GTPBP1: variants seen among roughly 807,000 people sequenced by gnomAD.
The protein encoded by GTPBP1 is GTP binding protein 1, also known as GTP-binding protein 1.
GTPBP1 carries 23 observed loss-of-function variants against 62.0 expected under a neutral mutation model. The observed-to-expected ratio is 0.37, with a 90% confidence interval of 0.27 to 0.53. The LOEUF is 0.53. Ranked by LOEUF, GTPBP1 falls within the 20% of genes least tolerant of loss-of-function variation. GTPBP1 has a pLI of 0.89. For synonymous variants in GTPBP1, 344 were observed against 364.4 expected (o/e 0.94, Z 0.64); for missense variants, 640 against 917.3 (o/e 0.70, Z 3.90).
downstream of GTPBP1, among the ~76,000 whole-genome samples, chr22:38,733,820 G>T (rs931231827): frequency 6.6e-6 from 1 of 152,220 alleles, no homozygotes; most frequent in African/African-American, 2.4e-5. Flanking sequence ...GCAGTGTGAG[G>T]GCTGTGCTGT....
chr22:38,739,568 G>A, downstream of GTPBP1: 2 of 1,294,262 alleles, frequency 1.5e-6, no homozygotes, highest in Non-Finnish European at 2.2e-6. The surrounding 1 kb of genome is among the most constrained non-coding windows in gnomAD (Gnocchi z 6.7). Context: ...TGGGCACACT[G>A]CCACCCACCC....
intron 2 of GTPBP1, 25 bp downstream of exon 2, chr22:38,708,981 T>G (rs1317571642): frequency 1.4e-6 from 2 of 1,403,208 alleles, no homozygotes; most frequent in East Asian, 4.6e-5. Context: ...CCTTTCACTT[T>G]ATTTTTAAAA....
At chr22:38,741,384 C>T (rs2092856381), downstream of GTPBP1, 1 of 1,143,442 alleles carries the variant, frequency 8.7e-7, no homozygotes, top group Admixed American at 1.8e-5. Context: ...CACTCCCCTC[C>T]CCATGCAACA....
downstream of GTPBP1, chr22:38,738,687 G>A (rs2145936727): frequency 6.2e-7 from 1 of 1,613,834 alleles, no homozygotes; most frequent in Non-Finnish European, 8.5e-7. This position sits in a 1 kb window ranked among gnomAD's most constrained non-coding sequence, Gnocchi z 6.6. Flanking sequence ...GATGCGGGCA[G>A]AGAGGCGGAC....
chr22:38,733,216 G>C lies in GTPBP1; in HGVS notation c.*2512G>C, dbSNP rs573834411. The C allele has an allele frequency of 6.6e-6, 1 of 152,410 alleles. No homozygotes were observed. The highest frequency in any genetic ancestry group is 2.4e-5 in the African/African-American group (1 of 41,586). 9.4% of individuals were successfully genotyped at this position (152,410 alleles called of 1,614,324 possible). A position where few individuals can be genotyped will look rare whatever the true frequency, so the allele number is the denominator to read the frequency against. On this transcript the variant is annotated 3_prime_UTR_variant, in exon 12 of 12. Coordinates refer to ENST00000216044, the MANE Select transcript of GTPBP1 (RefSeq NM_004286.5). Reference sequence around the variant, plus strand: ...ACCTGCTGGTGCCTCCATAACAAGCGTCTGGCGTTGAGACCCCTGGCATGG... The same window carrying C: ...ACCTGCTGGTGCCTCCATAACAAGCCTCTGGCGTTGAGACCCCTGGCATGG...
At chr22:38,720,968 C>CGA (rs1270213249) in intron 4 of GTPBP1, among the ~76,000 whole-genome samples, 2 of 152,176 alleles carry the variant, frequency 1.3e-5, no homozygotes, top group Non-Finnish European at 2.9e-5. Context: ...TGCAGTAGCT[C>CGA]GATCATGGCT....
At chr22:38,735,815 AG>A (rs2092800027), downstream of GTPBP1, 1 of 163,550 alleles carries the variant, frequency 6.1e-6, no homozygotes. Context: ...CCTGCTCTGG[AG>A]CTAAGCACCC....
downstream of GTPBP1, chr22:38,740,918 C>T: frequency 2.2e-6 from 3 of 1,378,460 alleles, no homozygotes; most frequent in Non-Finnish European, 3.0e-6. The surrounding 1 kb of genome is among the most constrained non-coding windows in gnomAD (Gnocchi z 4.8). Flanking sequence ...TCAGAACTCT[C>T]TGCTCTGCGG....
intron 2 of GTPBP1, among the ~76,000 whole-genome samples, chr22:38,709,569 C>T (rs2092626450): frequency 6.6e-6 from 1 of 152,170 alleles, no homozygotes; most frequent in African/African-American, 2.4e-5. Context: ...ATAGGGCAAG[C>T]CATAGTTAGG....
downstream of GTPBP1, chr22:38,738,928 CT>C: frequency 6.2e-7 from 1 of 1,613,360 alleles, no homozygotes; most frequent in Non-Finnish European, 8.5e-7. This position sits in a 1 kb window ranked among gnomAD's most constrained non-coding sequence, Gnocchi z 6.6. Context: ...GCCGAAGAGG[CT>C]GAGGAGGGCC....
At chr22:38,707,188 T>G (rs536716735) in intron 1 of GTPBP1, among the ~76,000 whole-genome samples, 262 of 152,404 alleles carry the variant, frequency 1.7e-3, no homozygotes, top group Middle Eastern at 6.8e-3. Context: ...AGATAGTTCC[T>G]AATTTCCTGT....
intron 2 of GTPBP1, among the ~76,000 whole-genome samples, chr22:38,711,941 T>A (rs1000349822): frequency 2.0e-5 from 3 of 151,918 alleles, no homozygotes; most frequent in Non-Finnish European, 4.4e-5. Flanking sequence ...AGTGCAGTGG[T>A]ATGATCTCGG....
At chr22:38,710,908 G>A (rs972099541) in intron 2 of GTPBP1, among the ~76,000 whole-genome samples, 4 of 151,834 alleles carry the variant, frequency 2.6e-5, no homozygotes, top group Non-Finnish European at 5.9e-5. Context: ...ACCCACCCAT[G>A]GCAAACCCAC....
At chr22:38,739,796 T>A (rs760487559), downstream of GTPBP1, 4 of 1,613,652 alleles carry the variant, frequency 2.5e-6, no homozygotes, top group Non-Finnish European at 3.4e-6. This position sits in a 1 kb window ranked among gnomAD's most constrained non-coding sequence, Gnocchi z 6.7. Flanking sequence ...CTGGCCGACT[T>A]GCCCTGCATC....
intron 5 of GTPBP1, chr22:38,723,377 ATGTT>A (rs1257654062): frequency 1.2e-6 from 1 of 861,590 alleles, no homozygotes; most frequent in African/African-American, 1.7e-5. Flanking sequence ...AGACCATAAT[ATGTT>A]TGTCAAGCTC....
downstream of GTPBP1, among the ~76,000 whole-genome samples, chr22:38,737,308 C>A (rs2092814202): frequency 6.6e-6 from 1 of 152,038 alleles, no homozygotes; most frequent in Non-Finnish European, 1.5e-5. This position sits in a 1 kb window ranked among gnomAD's most constrained non-coding sequence, Gnocchi z 4.1. Flanking sequence ...CACATCAGCC[C>A]CCATCGCAGT....
rs2092755461 is a variant in GTPBP1, at chr22:38,730,968, T to G, written c.*264T>G. ...ACACATTTTTTGTACATCTGGGCCC[T>G]TAGTTTTTATTCTGTTTATTATATG... On this transcript the variant is annotated 3_prime_UTR_variant, in exon 12 of 12. Coordinates refer to ENST00000216044, the MANE Select transcript of GTPBP1 (RefSeq NM_004286.5). This position sits in a 1 kb window ranked among gnomAD's most constrained non-coding sequence, Gnocchi z 5.6. 25 of 471,310 alleles carry G rather than the reference T, an allele frequency of 5.3e-5. No homozygotes were observed. The highest frequency in any genetic ancestry group is 3.3e-4 in the East Asian group (8 of 24,326). The allele number at this position is 471,310 out of a possible 1,614,324, so 29.2% of individuals were successfully genotyped here. A position where few individuals can be genotyped will look rare whatever the true frequency, so the allele number is the denominator to read the frequency against.
downstream of GTPBP1, among the ~76,000 whole-genome samples, chr22:38,737,094 G>A (rs778300451): frequency 5.3e-5 from 8 of 152,152 alleles, no homozygotes; most frequent in East Asian, 7.7e-4. This position sits in a 1 kb window ranked among gnomAD's most constrained non-coding sequence, Gnocchi z 4.1. Flanking sequence ...CAATCCCCTC[G>A]CCTTGGCCTT....
At position 38,705,964 on chromosome 22, in the gene GTPBP1, G is replaced by T; in HGVS notation, c.9G>T (p.Thr3=). 1 of 1,442,964 alleles carries T rather than the reference G, an allele frequency of 6.9e-7. No homozygotes were observed. The highest frequency in any genetic ancestry group is 9.1e-7 in the Non-Finnish European group (1 of 1,094,652). 89.4% of individuals were successfully genotyped at this position (1,442,964 alleles called of 1,614,324 possible). The change falls in exon 1 of 12, where the codon ACG becomes ACT. Residue 3 remains threonine, a synonymous_variant. Transcript: ENST00000216044. Reference sequence around the variant, plus strand: ...AGCCTAAGTTATTAAAGATGGCGACGGAGCGCAGTCGCTCCGCGATGGACT... The same window carrying T: ...AGCCTAAGTTATTAAAGATGGCGACTGAGCGCAGTCGCTCCGCGATGGACT... MA[T]ERSRSAMDSP...
Sources: allele counts gnomAD v4.1 joint callset (sites outside exome capture counted in the v4.1 genomes callset), GRCh38; gene constraint gnomAD v4.1.1; non-coding constraint Gnocchi (gnomAD v3.1); transcripts MANE v1.5; gene names NCBI Gene and HGNC (gene_info 2026-07-23, HGNC 2026-07-21).